The following GRIK1 variants were observed in gnomAD, a reference collection of about 807,000 sequenced individuals.
GRIK1 encodes glutamate receptor ionotropic, kainate 1.
In GRIK1, 69 loss-of-function variants were observed where a neutral mutation model predicts 105.7. That is an observed-to-expected ratio of 0.65 (90% confidence interval 0.54 to 0.80). The LOEUF is 0.80. Among genes scored for constraint, GRIK1 ranks in the 30% least tolerant of loss-of-function variants. GRIK1 has a pLI of 0.00. For synonymous variants in GRIK1, 438 were observed against 431.3 expected (o/e 1.02, Z -0.19); for missense variants, 1,109 against 1,167.3 (o/e 0.95, Z 0.73).
At chr21:29,911,459 G>A (rs1231677025) in intron 1 of GRIK1, among the ~76,000 whole-genome samples, 1 of 151,956 alleles carries the variant, frequency 6.6e-6, no homozygotes, top group Non-Finnish European at 1.5e-5. Context: ...GGAGAAAATT[G>A]CTATAAACTA....
At chr21:29,837,245 A>C (rs1291534478) in intron 1 of GRIK1, among the ~76,000 whole-genome samples, 1 of 152,156 alleles carries the variant, frequency 6.6e-6, no homozygotes, top group Non-Finnish European at 1.5e-5. Context: ...CTTCATCTGC[A>C]ATGATCTTGT....
chr21:29,657,275 G>A (rs1171994880), intron 4 of GRIK1: 1 of 152,142 alleles, frequency 6.6e-6, no homozygotes, highest in Non-Finnish European at 1.5e-5. Flanking sequence ...CTTTTCACTT[G>A]GGTAAAATTT....
At chr21:29,934,366 G>A (rs2071674304) in intron 1 of GRIK1, among the ~76,000 whole-genome samples, 1 of 152,088 alleles carries the variant, frequency 6.6e-6, no homozygotes, top group African/African-American at 2.4e-5. Flanking sequence ...CAGTGAAAGG[G>A]GAAAGATCTG....
At chr21:29,822,275 T>C (rs1041882221) in intron 1 of GRIK1, among the ~76,000 whole-genome samples, 6 of 152,040 alleles carry the variant, frequency 3.9e-5, no homozygotes, top group Admixed American at 3.9e-4. Context: ...TAAAACTTTA[T>C]TTACAAAAAC....
chr21:29,543,368 T>A (rs1458475412), intron 16 of GRIK1, among the ~76,000 whole-genome samples: 2 of 152,186 alleles, frequency 1.3e-5, no homozygotes, highest in Non-Finnish European at 2.9e-5. Context: ...CAGATTTCAC[T>A]CCCTTCCAAG....
chr21:29,571,816 C>T lies in GRIK1; in HGVS notation c.2130+5148G>A, dbSNP rs1033726247. 5.3e-5 allele frequency among the ~76,000 whole-genome samples: 8 copies of T among 152,138 alleles called. No homozygotes were observed. In the East Asian group the frequency reaches 9.6e-4, roughly 18 times the overall value. On this transcript the variant is annotated intron_variant, in intron 14 of 17. Transcript: ENST00000327783. Reference sequence around the variant, plus strand: ...GTACTGCCAGAGGAATACTGCTTTTCTGAGAAGAAAAACACTTGAAATTAC... The same window carrying T: ...GTACTGCCAGAGGAATACTGCTTTTTTGAGAAGAAAAACACTTGAAATTAC...
chr21:29,909,019 A>G (rs963141699), intron 1 of GRIK1, among the ~76,000 whole-genome samples: 1 of 152,160 alleles, frequency 6.6e-6, no homozygotes, highest in Non-Finnish European at 1.5e-5. Context: ...ATATTTTTAA[A>G]CACATCACTT....
chr21:29,715,189 A>G (rs762545372), intron 1 of GRIK1, among the ~76,000 whole-genome samples: 1 of 152,184 alleles, frequency 6.6e-6, no homozygotes, highest in Admixed American at 6.5e-5. Flanking sequence ...GGCTCACACT[A>G]TGCACCATAA....
At chr21:29,548,908 C>G (rs2090086821) in intron 16 of GRIK1, among the ~76,000 whole-genome samples, 1 of 152,144 alleles carries the variant, frequency 6.6e-6, no homozygotes, top group African/African-American at 2.4e-5. Context: ...TAGTTTAAAA[C>G]AAAGTAAAAT....
At chr21:29,556,947 A>G (rs540946345) in intron 15 of GRIK1, among the ~76,000 whole-genome samples, 1 of 152,220 alleles carries the variant, frequency 6.6e-6, no homozygotes, top group African/African-American at 2.4e-5. Context: ...TAGGTTTTGA[A>G]TAATTCAAAT....
chr21:29,738,438 A>C (rs762728184), intron 1 of GRIK1, among the ~76,000 whole-genome samples: 10 of 152,236 alleles, frequency 6.6e-5, no homozygotes, highest in Non-Finnish European at 1.3e-4. Flanking sequence ...ATCTTTTTGC[A>C]GTCACTTGGA....
At chr21:29,846,735 T>A (rs1473336130) in intron 1 of GRIK1, among the ~76,000 whole-genome samples, 1 of 152,196 alleles carries the variant, frequency 6.6e-6, no homozygotes, top group African/African-American at 2.4e-5. Flanking sequence ...CTTTTTGTTA[T>A]CCTGTTTGAT....
chr21:29,662,816 A>C (rs1368587736), intron 4 of GRIK1, among the ~76,000 whole-genome samples: 1 of 152,190 alleles, frequency 6.6e-6, no homozygotes, highest in Admixed American at 6.5e-5. Context: ...TATTAGAACC[A>C]CCAAGAAACT....
intron 1 of GRIK1, among the ~76,000 whole-genome samples, chr21:29,753,276 A>C (rs897549834): frequency 5.9e-5 from 9 of 152,244 alleles, no homozygotes. Context: ...AATTTGATTG[A>C]GAAACAAACC....
chr21:29,917,102 A>G (rs1188523703), intron 1 of GRIK1, among the ~76,000 whole-genome samples: 1 of 152,022 alleles, frequency 6.6e-6, no homozygotes, highest in Admixed American at 6.6e-5. Flanking sequence ...CGTTTTCAGT[A>G]TATCACTTGG....
Position 29,560,314 on chromosome 21 carries a change from T to TC in GRIK1, c.2356+1309dup, listed in dbSNP as rs55713419. On this transcript the variant is annotated intron_variant, in intron 15 of 17. Coordinates refer to ENST00000327783, the MANE Select transcript of GRIK1 (RefSeq NM_001330994.2). ...TTCTTTCTTTCTTTCTTTCTTTCTTTCTTTCTTTCTTTCTTTCTTTCTTTC... is the reference window on the plus strand; with the variant it reads ...TTCTTTCTTTCTTTCTTTCTTTCTTTCCTTTCTTTCTTTCTTTCTTTCTTTC... Among the ~76,000 whole-genome samples, 37 of 116,540 alleles carry TC rather than the reference T, an allele frequency of 3.2e-4. 2 individuals are homozygous for TC. The highest frequency in any genetic ancestry group is 4.6e-4 in the Admixed American group (5 of 10,930). The allele number at this position is 116,540 out of a possible 152,430, so 76.5% of individuals were successfully genotyped here.
At chr21:29,686,994 G>A (rs1439739515) in intron 3 of GRIK1, among the ~76,000 whole-genome samples, 1 of 152,172 alleles carries the variant, frequency 6.6e-6, no homozygotes, top group Non-Finnish European at 1.5e-5. Context: ...GGTGACTAAC[G>A]GGAAGGACAT....
intron 14 of GRIK1, among the ~76,000 whole-genome samples, chr21:29,564,171 G>A (rs186504117): frequency 6.6e-5 from 10 of 151,338 alleles, no homozygotes; most frequent in East Asian, 3.9e-4. Flanking sequence ...TTTTTGAGAC[G>A]GAGTCTCGCT....
intron 6 of GRIK1, among the ~76,000 whole-genome samples, chr21:29,650,482 T>C (rs1181371462): frequency 1.3e-5 from 2 of 152,244 alleles, no homozygotes; most frequent in Admixed American, 6.5e-5. Context: ...GTAGGTGCAT[T>C]TGACAAGAGA....
Sources: gnomAD v4.1 joint callset for allele counts (sites outside exome capture counted in the v4.1 genomes callset) on GRCh38, gnomAD v4.1.1 for gene constraint, MANE v1.5 for transcripts, NCBI Gene and HGNC (gene_info 2026-07-23, HGNC 2026-07-21) for gene names.